GABRB1: variants seen among roughly 807,000 people sequenced by gnomAD.
The protein encoded by GABRB1 is gamma-aminobutyric acid type A receptor subunit beta1, also known as gamma-aminobutyric acid receptor subunit beta-1.
A neutral mutation model predicts 51.6 loss-of-function variants in GABRB1; 17 were observed. The ratio of observed to expected loss-of-function variants is 0.33; its 90% CI spans 0.23 to 0.49. The LOEUF (loss-of-function observed/expected upper bound fraction) is 0.49, where lower values mean the gene tolerates loss of function less well. GABRB1 is among the 20% of genes least tolerant of loss of function. The pLI is 0.99. For missense variants in GABRB1, 410 were observed against 600.6 expected, an observed-to-expected ratio of 0.68 and a Z score of 3.32; for synonymous variants, 247 against 218.9, an observed-to-expected ratio of 1.13 and a Z score of -1.14.
chr4:47,089,089 A>G (rs1728190358), intron 3 of GABRB1, among the ~76,000 whole-genome samples: 1 of 152,198 alleles, frequency 6.6e-6, no homozygotes, highest in Admixed American at 6.5e-5. Context: ...TGAAGCACAA[A>G]TAAATTTTTA....
intron 5 of GABRB1, among the ~76,000 whole-genome samples, chr4:47,330,124 A>C (rs552142316): frequency 7.2e-5 from 11 of 152,306 alleles, no homozygotes; most frequent in African/African-American, 2.6e-4. Flanking sequence ...CAGGGTAGTC[A>C]GACAGGAGGA....
At chr4:47,356,870 G>A (rs921886161) in intron 5 of GABRB1, among the ~76,000 whole-genome samples, 2 of 152,268 alleles carry the variant, frequency 1.3e-5, no homozygotes, top group Non-Finnish European at 2.9e-5. Context: ...TGAAGGCTAA[G>A]AAATGATTAC....
At chr4:47,305,857 A>G (rs981913256) in intron 4 of GABRB1, among the ~76,000 whole-genome samples, 4 of 152,196 alleles carry the variant, frequency 2.6e-5, no homozygotes, top group Non-Finnish European at 4.4e-5. Flanking sequence ...GGCTATGCCC[A>G]GTTCAAAGCA....
chr4:47,032,047 T>G (rs747118464), intron 2 of GABRB1, 42 bp downstream of exon 2: 1 of 1,343,832 alleles, frequency 7.4e-7, no homozygotes, highest in African/African-American at 1.5e-5. Context: ...CATCCTTAGT[T>G]CTCCTTTTCT....
intron 3 of GABRB1, among the ~76,000 whole-genome samples, chr4:47,093,591 C>A (rs1321700165): frequency 6.6e-6 from 1 of 152,130 alleles, no homozygotes; most frequent in Non-Finnish European, 1.5e-5. Flanking sequence ...CAAAAAAAAT[C>A]TCATATTACT....
intron 3 of GABRB1, among the ~76,000 whole-genome samples, chr4:47,105,255 G>A (rs1323183168): frequency 1.3e-5 from 2 of 151,944 alleles, no homozygotes; most frequent in African/African-American, 2.4e-5. Flanking sequence ...CTCCATCATC[G>A]GCTTTAGATC....
intron 4 of GABRB1, among the ~76,000 whole-genome samples, chr4:47,166,152 A>T (rs1718175897): frequency 6.6e-6 from 1 of 152,106 alleles, no homozygotes; most frequent in Non-Finnish European, 1.5e-5. Context: ...TATCTGAGGC[A>T]TTTCAAGCTT....
At chr4:47,323,592 C>T (rs1171086625) in intron 5 of GABRB1, among the ~76,000 whole-genome samples, 4 of 152,048 alleles carry the variant, frequency 2.6e-5, no homozygotes, top group African/African-American at 9.7e-5. Context: ...TAGTGTCAGT[C>T]GGGAAATAAG....
chr4:47,002,876 A>T (rs1364852739), intron 1 of GABRB1, among the ~76,000 whole-genome samples: 1 of 152,234 alleles, frequency 6.6e-6, no homozygotes, highest in African/African-American at 2.4e-5. Context: ...AGTGAATGTC[A>T]TAAGAATAGA....
intron 4 of GABRB1, among the ~76,000 whole-genome samples, chr4:47,191,832 A>G (rs960723712): frequency 2.0e-5 from 3 of 152,092 alleles, no homozygotes; most frequent in Non-Finnish European, 4.4e-5. Flanking sequence ...AATACAACAG[A>G]TGAAAAAAAA....
intron 5 of GABRB1, among the ~76,000 whole-genome samples, chr4:47,333,311 T>C (rs909163737): frequency 6.6e-6 from 1 of 150,584 alleles, no homozygotes; most frequent in Non-Finnish European, 1.5e-5. Flanking sequence ...GGGAGTTATC[T>C]ATACTTGGGA....
chr4:47,358,368 T>C (rs1458419342), intron 5 of GABRB1, among the ~76,000 whole-genome samples: 1 of 151,806 alleles, frequency 6.6e-6, no homozygotes, highest in Non-Finnish European at 1.5e-5. Flanking sequence ...TGTGTGTATA[T>C]ATATGTGTGT....
At position 47,032,369 on chromosome 4, in the gene GABRB1, G is replaced by A. The variant is rs768457843; in HGVS notation, c.173-48G>A. 5 of 1,503,524 alleles carry A rather than the reference G, an allele frequency of 3.3e-6. No homozygotes were observed. In the Admixed American group the frequency reaches 7.5e-5, roughly 23 times the overall value. The allele number at this position is 1,503,524 out of a possible 1,614,324, so 93.1% of individuals were successfully genotyped here. A position where few individuals can be genotyped will look rare whatever the true frequency, so the allele number is the denominator to read the frequency against. The stretch of plus-strand genomic sequence containing the variant: ...GAAGCCCCCAGACCCTCCCCAGCCT[G>A]CTGTCACTGAGAGAATCTGTTCCTA... On this transcript the variant is annotated intron_variant, in intron 2 of 8. Coordinates refer to ENST00000295454, the MANE Select transcript of GABRB1 (RefSeq NM_000812.4).
chr4:47,424,683 G>C (rs28589873), intron 8 of GABRB1, among the ~76,000 whole-genome samples: 31,051 of 152,076 alleles, frequency 0.2, 4,852 homozygotes, highest in African/African-American at 0.43. Flanking sequence ...CCCTCTCCCT[G>C]TACTGGCCCT....
At chr4:47,214,524 T>C (rs2109814806) in intron 4 of GABRB1, among the ~76,000 whole-genome samples, 1 of 152,300 alleles carries the variant, frequency 6.6e-6, no homozygotes, top group South Asian at 2.1e-4. Flanking sequence ...TGAGAGAATG[T>C]GTGGAGAAAC....
intron 3 of GABRB1, among the ~76,000 whole-genome samples, chr4:47,148,714 G>A (rs1717287593): frequency 6.6e-6 from 1 of 151,550 alleles, no homozygotes; most frequent in African/African-American, 2.4e-5. Flanking sequence ...CCAGGGCAGT[G>A]ATGAACAATT....
intron 3 of GABRB1, among the ~76,000 whole-genome samples, chr4:47,148,820 T>C (rs1434399891): frequency 6.6e-6 from 1 of 151,664 alleles, no homozygotes; most frequent in African/African-American, 2.4e-5. Context: ...GGATAAAACA[T>C]CAGAGAAAAC....
chr4:47,235,716 T>C (rs1053518048), intron 4 of GABRB1, among the ~76,000 whole-genome samples: 34 of 152,124 alleles, frequency 2.2e-4, no homozygotes, highest in Non-Finnish European at 4.7e-4. Flanking sequence ...TTCAAACTCC[T>C]TAGTATACCA....
At chr4:47,211,181 A>G (rs969619571) in intron 4 of GABRB1, among the ~76,000 whole-genome samples, 4 of 152,140 alleles carry the variant, frequency 2.6e-5, no homozygotes, top group Non-Finnish European at 5.9e-5. Context: ...TTTTGGTGAC[A>G]TGAATCTGAG....
Sources: allele counts gnomAD v4.1 joint callset (sites outside exome capture counted in the v4.1 genomes callset), GRCh38; gene constraint gnomAD v4.1.1; transcripts MANE v1.5; gene names NCBI Gene and HGNC (gene_info 2026-07-23, HGNC 2026-07-21).